Variants in ROBO2 observed in about 807,000 individuals in gnomAD.
The protein encoded by ROBO2 is roundabout guidance receptor 2.
ROBO2 carries 53 observed loss-of-function variants against 160.8 expected under a neutral mutation model. The ratio of observed to expected loss-of-function variants is 0.33; its 90% CI spans 0.26 to 0.41. The LOEUF (loss-of-function observed/expected upper bound fraction) is 0.41. Ranked by LOEUF, ROBO2 falls within the 10% of genes least tolerant of loss-of-function variation. ROBO2 has a pLI of 1.00. For missense variants in ROBO2, 1,577 were observed against 1,722.4 expected, an observed-to-expected ratio of 0.92 and a Z score of 1.49; for synonymous variants, 664 against 611.7, an observed-to-expected ratio of 1.09 and a Z score of -1.26.
chr3:76,506,274 C>T (rs866697378), intron 2 of ROBO2, among the ~76,000 whole-genome samples: 2 of 152,258 alleles, frequency 1.3e-5, no homozygotes, highest in African/African-American at 4.8e-5. Flanking sequence ...AGTCCAAGAT[C>T]GAGTTGCCAG....
intron 2 of ROBO2, among the ~76,000 whole-genome samples, chr3:76,811,952 C>A (rs1033172811): frequency 4.0e-5 from 6 of 151,504 alleles, no homozygotes; most frequent in African/African-American, 7.3e-5. Flanking sequence ...CTCACTGCAA[C>A]CTCCACCTCC....
intron 2 of ROBO2, among the ~76,000 whole-genome samples, chr3:76,978,842 T>C (rs1171406896): frequency 1.3e-5 from 2 of 151,946 alleles, no homozygotes; most frequent in African/African-American, 4.8e-5. Context: ...TTCAGACTTA[T>C]GAGGGCTCTG....
intron 2 of ROBO2, among the ~76,000 whole-genome samples, chr3:76,237,426 A>C (rs1465938641): frequency 6.6e-6 from 1 of 152,192 alleles, no homozygotes; most frequent in African/African-American, 2.4e-5. Flanking sequence ...GCTGTATCTT[A>C]GGATCCCTCC....
intron 2 of ROBO2, among the ~76,000 whole-genome samples, chr3:76,701,707 G>T (rs1248723291): frequency 1.3e-5 from 2 of 151,960 alleles, no homozygotes; most frequent in African/African-American, 4.8e-5. Context: ...AAGGCTGTTA[G>T]ATTAAAAGCA....
At chr3:77,259,445 A>T (rs527585731) in intron 2 of ROBO2, among the ~76,000 whole-genome samples, 1 of 152,242 alleles carries the variant, frequency 6.6e-6, no homozygotes, top group Admixed American at 6.5e-5. Context: ...AAATAAAAAT[A>T]TTATGTATTT....
intron 2 of ROBO2, among the ~76,000 whole-genome samples, chr3:76,135,606 C>T (rs1051666494): frequency 9.2e-5 from 14 of 152,174 alleles, no homozygotes; most frequent in African/African-American, 2.4e-4. Context: ...CTAGAGGAAT[C>T]GGCCCATGAG....
chr3:77,365,970 G>GT (rs35983928), intron 2 of ROBO2, among the ~76,000 whole-genome samples: 5 of 152,028 alleles, frequency 3.3e-5, no homozygotes, highest in South Asian at 2.1e-4. Context: ...GCAGAAAAAT[G>GT]TTTTTTTCTC....
chr3:77,324,704 C>G (rs988271191), intron 2 of ROBO2, among the ~76,000 whole-genome samples: 3 of 150,422 alleles, frequency 2.0e-5, no homozygotes, highest in African/African-American at 7.4e-5. Context: ...ATGGCGTGAA[C>G]CTGGGAGGCG....
chr3:77,568,329 A>C, exon 13 of ROBO2: 1 of 1,612,952 alleles, frequency 6.2e-7, no homozygotes, highest in Non-Finnish European at 8.5e-7. Context: ...GCCCACCAGC[A>C]CAAGGAGTGG....
At chr3:76,732,380 T>C (rs2093650251) in intron 2 of ROBO2, among the ~76,000 whole-genome samples, 1 of 152,142 alleles carries the variant, frequency 6.6e-6, no homozygotes, top group African/African-American at 2.4e-5. Flanking sequence ...CTGAAGTTTC[T>C]AGGGGAATTA....
intron 2 of ROBO2, among the ~76,000 whole-genome samples, chr3:77,222,073 G>A (rs906359864): frequency 4.6e-5 from 7 of 151,852 alleles, no homozygotes; most frequent in African/African-American, 9.6e-5. Flanking sequence ...GGAGGCTCTC[G>A]ATCTCTTGAC....
intron 2 of ROBO2, among the ~76,000 whole-genome samples, chr3:76,121,100 T>C (rs559658676): frequency 1.3e-5 from 2 of 152,120 alleles, no homozygotes; most frequent in Non-Finnish European, 2.9e-5. Context: ...AGAGAGGCAA[T>C]GAAATTATTG....
At chr3:76,934,195 A>G (rs371322560) in intron 2 of ROBO2, among the ~76,000 whole-genome samples, 27 of 141,078 alleles carry the variant, frequency 1.9e-4, no homozygotes, top group African/African-American at 7.3e-4. Context: ...TGTGTATGAC[A>G]TGAGATCGAA....
intron 2 of ROBO2, among the ~76,000 whole-genome samples, chr3:76,900,449 G>A (rs1250380785): frequency 6.6e-6 from 1 of 152,112 alleles, no homozygotes; most frequent in Admixed American, 6.6e-5. Flanking sequence ...GCACGATGAG[G>A]AAGTTGGGCC....
At chr3:76,293,802 A>G (rs1708928059) in intron 2 of ROBO2, among the ~76,000 whole-genome samples, 1 of 152,232 alleles carries the variant, frequency 6.6e-6, no homozygotes, top group African/African-American at 2.4e-5. Flanking sequence ...TTTTGAGACT[A>G]TAACCGTTCT....
intron 2 of ROBO2, among the ~76,000 whole-genome samples, chr3:76,754,167 A>G (rs2108278934): frequency 6.6e-6 from 1 of 152,026 alleles, no homozygotes; most frequent in South Asian, 2.1e-4. Context: ...TTCAAACAGG[A>G]GCTGGCTTTC....
At chr3:77,307,560 T>C (rs1176139030) in intron 2 of ROBO2, among the ~76,000 whole-genome samples, 2 of 152,130 alleles carry the variant, frequency 1.3e-5, no homozygotes, top group Non-Finnish European at 2.9e-5. Flanking sequence ...CCTGCCATTC[T>C]TTATACTACT....
intron 2 of ROBO2, among the ~76,000 whole-genome samples, chr3:76,374,955 T>C (rs1559843630): frequency 6.7e-6 from 1 of 150,372 alleles, no homozygotes; most frequent in Non-Finnish European, 1.5e-5. Context: ...TTTTTTTTTT[T>C]CAGATGGTCT....
chr3:76,034,490 G>A (rs568444805), intron 2 of ROBO2, among the ~76,000 whole-genome samples: 2 of 152,268 alleles, frequency 1.3e-5, no homozygotes, highest in African/African-American at 2.4e-5. Context: ...AGCACACTCA[G>A]AACTGAAAGA....
Sources: allele counts gnomAD v4.1 joint callset (sites outside exome capture counted in the v4.1 genomes callset), GRCh38; gene constraint gnomAD v4.1.1; transcripts MANE v1.5; gene names NCBI Gene and HGNC (gene_info 2026-07-23, HGNC 2026-07-21).